The following ELOVL6 variants were observed in gnomAD, a reference collection of about 807,000 sequenced individuals.
The protein encoded by ELOVL6 is ELOVL fatty acid elongase 6, also known as very long chain fatty acid elongase 6.
A neutral mutation model predicts 31.7 loss-of-function variants in ELOVL6; 8 were observed. The observed-to-expected ratio is 0.25, with a 90% CI of 0.15 to 0.45. The LOEUF (loss-of-function observed/expected upper bound fraction) is 0.45. Ranked by LOEUF, ELOVL6 falls within the 20% of genes least tolerant of loss-of-function variation. The pLI is 1.00. For synonymous variants in ELOVL6, 101 were observed against 117.7 expected, an observed-to-expected ratio of 0.86 and a Z score of 0.92; for missense variants, 126 against 326.4, an observed-to-expected ratio of 0.39 and a Z score of 4.73.
chr4:110,186,928 CAATTG>C (rs1394468242), intron 1 of ELOVL6, among the ~76,000 whole-genome samples: 1 of 138,222 alleles, frequency 7.2e-6, no homozygotes, highest in African/African-American at 2.7e-5. Flanking sequence ...AAAAAACTAT[CAATTG>C]AATAAAACCG....
chr4:110,170,239 C>G (rs1319029506), intron 1 of ELOVL6, among the ~76,000 whole-genome samples: 1 of 152,140 alleles, frequency 6.6e-6, no homozygotes, highest in Non-Finnish European at 1.5e-5. Context: ...CCCTTATCAG[C>G]ATTTTGTGAT....
chr4:110,126,558 G>A (rs1757504069), intron 1 of ELOVL6, among the ~76,000 whole-genome samples: 1 of 152,164 alleles, frequency 6.6e-6, no homozygotes, highest in Non-Finnish European at 1.5e-5. Context: ...ACAAATTTAA[G>A]AGGATTTGAA....
Position 110,136,662 on chromosome 4 carries a change from C to T in ELOVL6, c.90-31034G>A, listed in dbSNP as rs142825142. Among the ~76,000 whole-genome samples the T allele has an allele frequency of 3.4e-3, 517 of 152,322 alleles. 1 individual carries two copies. The highest frequency in any genetic ancestry group is 0.012 in the African/African-American group (503 of 41,572). ...AATGATCACAGTGAACATTATTTTACATTCTAAATAACTGGTGCAAGGTGA... is the reference window on the plus strand; with the variant it reads ...AATGATCACAGTGAACATTATTTTATATTCTAAATAACTGGTGCAAGGTGA... On this transcript the variant is annotated intron_variant, in intron 1 of 3. Coordinates refer to ENST00000302274, the MANE Select transcript of ELOVL6 (RefSeq NM_024090.3).
At chr4:110,137,225 TCTCTGA>T (rs1391030574) in intron 1 of ELOVL6, among the ~76,000 whole-genome samples, 2 of 152,184 alleles carry the variant, frequency 1.3e-5, no homozygotes, top group African/African-American at 4.8e-5. Flanking sequence ...ATTCCGTGAT[TCTCTGA>T]CTCTGAGCCT....
chr4:110,138,766 G>A (rs1313638398), intron 1 of ELOVL6, among the ~76,000 whole-genome samples: 2 of 152,206 alleles, frequency 1.3e-5, no homozygotes, highest in Non-Finnish European at 2.9e-5. Context: ...GTCCCACGCA[G>A]CTCTTAAGTG....
intron 1 of ELOVL6, among the ~76,000 whole-genome samples, chr4:110,133,112 G>A (rs564901017): frequency 1.3e-5 from 2 of 152,244 alleles, no homozygotes; most frequent in Admixed American, 1.3e-4. Flanking sequence ...TGGAAGAGAA[G>A]CAAAGAAGAT....
intron 2 of ELOVL6, among the ~76,000 whole-genome samples, chr4:110,094,423 ATATATATATATATATATAT>A (rs1560820581): frequency 8.0e-5 from 5 of 62,586 alleles, no homozygotes; most frequent in Middle Eastern, 6.5e-3. Context: ...ATATATATAT[ATATATATATATATATATAT>A]AATATATATA....
chr4:110,091,457 A>C (rs1756425310), intron 2 of ELOVL6, among the ~76,000 whole-genome samples: 1 of 152,166 alleles, frequency 6.6e-6, no homozygotes, highest in Non-Finnish European at 1.5e-5. Flanking sequence ...CTTGTCCTGG[A>C]AAGTTAGTTT....
chr4:110,172,784 C>G (rs376402417), intron 1 of ELOVL6, among the ~76,000 whole-genome samples: 1 of 152,206 alleles, frequency 6.6e-6, no homozygotes, highest in African/African-American at 2.4e-5. Flanking sequence ...GTAAACTCTG[C>G]TAAGAGCTTT....
At chr4:110,084,122 CAT>C (rs1186589928) in intron 2 of ELOVL6, among the ~76,000 whole-genome samples, 3 of 71,904 alleles carry the variant, frequency 4.2e-5, no homozygotes, top group Admixed American at 1.6e-4. Flanking sequence ...ATATATATAA[CAT>C]ATATGTGATA....
chr4:110,059,498 G>T, intron 3 of ELOVL6, 105 bp downstream of exon 3: 1 of 1,241,250 alleles, frequency 8.1e-7, no homozygotes, highest in Non-Finnish European at 1.1e-6. Flanking sequence ...TAACTTTCTT[G>T]CAACCAACAA....
intron 1 of ELOVL6, among the ~76,000 whole-genome samples, chr4:110,115,078 A>C (rs954178259): frequency 3.3e-5 from 5 of 152,182 alleles, no homozygotes; most frequent in African/African-American, 1.2e-4. Context: ...CTAGAAAATA[A>C]AATGAAGGGG....
intron 1 of ELOVL6, among the ~76,000 whole-genome samples, chr4:110,194,996 T>G (rs1759730515): frequency 1.3e-5 from 2 of 152,194 alleles, no homozygotes; most frequent in Non-Finnish European, 2.9e-5. Flanking sequence ...CTCCAGAAGC[T>G]ATTTCAAACC....
At chr4:110,182,778 C>T (rs1759326940) in intron 1 of ELOVL6, among the ~76,000 whole-genome samples, 1 of 152,042 alleles carries the variant, frequency 6.6e-6, no homozygotes, top group African/African-American at 2.4e-5. Context: ...CGTGGTGGCC[C>T]ATGCTTGTAA....
chr4:110,090,600 C>CTTTTTTGTTTT (rs1553956743), intron 2 of ELOVL6, among the ~76,000 whole-genome samples: 1 of 103,714 alleles, frequency 9.6e-6, no homozygotes, highest in Non-Finnish European at 1.8e-5. Context: ...GTTTGACTTT[C>CTTTTTTGTTTT]TTTTTTTTTT....
At chr4:110,110,397 G>A (rs971588829) in intron 1 of ELOVL6, among the ~76,000 whole-genome samples, 97 of 134,234 alleles carry the variant, frequency 7.2e-4, no homozygotes, top group African/African-American at 2.7e-3. Flanking sequence ...AAATTTTTCC[G>A]CAGATTTTTT....
At position 110,051,425 on chromosome 4, in the gene ELOVL6, G is replaced by A. The variant is rs747887883; in HGVS notation, c.711C>T (p.Leu237=). ...SHFQNIFWSS[L]MYLSYLVLFC... Reference sequence around the variant, plus strand: ...AGAGCACAAGGTAGCTGAGGTACATGAGTGAGGACCAGAAGATGTTCTGAA... The same window carrying A: ...AGAGCACAAGGTAGCTGAGGTACATAAGTGAGGACCAGAAGATGTTCTGAA... Residue 237 remains leucine, a synonymous_variant, in exon 4 of 4, where the codon CTC becomes CTT. Coordinates refer to ENST00000302274, the MANE Select transcript of ELOVL6 (RefSeq NM_024090.3). The surrounding 1 kb of genome is among the most constrained non-coding windows in gnomAD (Gnocchi z 4.8). 3 of 1,614,068 alleles carry A rather than the reference G, an allele frequency of 1.9e-6. No homozygotes were observed. The highest frequency in any genetic ancestry group is 2.5e-6 in the Non-Finnish European group (3 of 1,180,012).
At chr4:110,084,391 T>TATGACATATCGCATAC (rs1560815169) in intron 2 of ELOVL6, among the ~76,000 whole-genome samples, 1 of 107,806 alleles carries the variant, frequency 9.3e-6, no homozygotes, top group Admixed American at 1.0e-4. Flanking sequence ...ATATCGCATA[T>TATGACATATCGCATAC]ATGATATATG....
At position 110,085,608 on chromosome 4, in the gene ELOVL6, G is replaced by A. The variant is rs187386773; in HGVS notation, c.221+19889C>T. On this transcript the variant is annotated intron_variant, in intron 2 of 3. Transcript: ENST00000302274. Reference sequence around the variant, plus strand: ...TAAGAGTCCCTGGACTCTGGTGAGGGGGCATTGGGTGGTATCTAAAGGGGC... The same window carrying A: ...TAAGAGTCCCTGGACTCTGGTGAGGAGGCATTGGGTGGTATCTAAAGGGGC... Among the ~76,000 whole-genome samples, 481 of 152,272 alleles carry A rather than the reference G, an allele frequency of 3.2e-3. 2 individuals carry two copies. Among genetic ancestry groups the A allele is most frequent in the African/African-American group, 0.011 (470 of 41,562 alleles).
Sources: allele counts gnomAD v4.1 joint callset (sites outside exome capture counted in the v4.1 genomes callset), GRCh38; gene constraint gnomAD v4.1.1; non-coding constraint Gnocchi (gnomAD v3.1); transcripts MANE v1.5; gene names NCBI Gene and HGNC (gene_info 2026-07-23, HGNC 2026-07-21).